Variants in USP26 observed in about 807,000 individuals in gnomAD.
USP26 encodes ubiquitin specific peptidase 26, also known as ubiquitin carboxyl-terminal hydrolase 26.
For missense variants in USP26, 649 were observed against 642.3 expected (o/e 1.01, Z -0.11); for synonymous variants, 236 against 240.6 (o/e 0.98, Z 0.18).
chrX:133,082,534 T>C (rs1294867469), intron 5 of USP26, among the ~76,000 whole-genome samples: 1 of 112,318 alleles, frequency 8.9e-6, no homozygotes, highest in African/African-American at 3.2e-5. Context: ...TGATGGTAGG[T>C]TAAGGAACTA....
chrX:133,081,147 G>A (rs1327122190), intron 5 of USP26, among the ~76,000 whole-genome samples: 1 of 110,498 alleles, frequency 9.0e-6, no homozygotes, highest in Admixed American at 9.7e-5. Flanking sequence ...TGCAGGCTGA[G>A]AAGCTACGAC....
At chrX:133,058,628 T>G (rs913496401) in intron 5 of USP26, among the ~76,000 whole-genome samples, 1 of 111,675 alleles carries the variant, frequency 9.0e-6, no homozygotes, top group Non-Finnish European at 1.9e-5. Context: ...TCTTCCTCCA[T>G]CTCTTTCCTT....
intron 5 of USP26, among the ~76,000 whole-genome samples, chrX:133,052,898 C>A (rs2067464202): frequency 9.0e-6 from 1 of 111,253 alleles, no homozygotes; most frequent in Non-Finnish European, 1.9e-5. Context: ...TAGCTGTCTC[C>A]TATTGCCACA....
chrX:133,038,808 G>T (rs2067406168), intron 5 of USP26, among the ~76,000 whole-genome samples: 1 of 111,763 alleles, frequency 8.9e-6, no homozygotes, highest in Admixed American at 9.5e-5. Flanking sequence ...GTTTTTGGTT[G>T]GTAGGCTTTT....
intron 5 of USP26, among the ~76,000 whole-genome samples, chrX:133,079,144 A>G (rs1164355923): frequency 1.8e-5 from 2 of 111,649 alleles, no homozygotes; most frequent in Non-Finnish European, 3.8e-5. Context: ...GCTACCTTAA[A>G]TCACACTCCA....
At chrX:133,067,672 A>G (rs879169729) in intron 5 of USP26, among the ~76,000 whole-genome samples, 1 of 111,991 alleles carries the variant, frequency 8.9e-6, no homozygotes, top group Non-Finnish European at 1.9e-5. Context: ...CAGTTGAACA[A>G]TGAGAACACA....
At chrX:133,079,227 C>T (rs2067561399) in intron 5 of USP26, among the ~76,000 whole-genome samples, 1 of 111,850 alleles carries the variant, frequency 8.9e-6, no homozygotes, top group Non-Finnish European at 1.9e-5. Context: ...TAGTGCTCCT[C>T]CTCACCACAG....
At chrX:133,088,494 T>G (rs2067597044) in intron 4 of USP26, among the ~76,000 whole-genome samples, 1 of 111,247 alleles carries the variant, frequency 9.0e-6, no homozygotes, top group Admixed American at 9.6e-5. Context: ...GCTGCTTACC[T>G]CTCACTGTGT....
At chrX:133,093,514 C>G (rs1210520934) in intron 1 of USP26, among the ~76,000 whole-genome samples, 1 of 109,825 alleles carries the variant, frequency 9.1e-6, no homozygotes, top group East Asian at 2.9e-4. Context: ...TGCCTATAGT[C>G]TCAGCTACTC....
chrX:133,039,137 T>A (rs2067407704), intron 5 of USP26, among the ~76,000 whole-genome samples: 1 of 111,592 alleles, frequency 9.0e-6, no homozygotes, highest in African/African-American at 3.3e-5. Flanking sequence ...TGATTTTTTT[T>A]AACAGTTTTT....
intron 1 of USP26, among the ~76,000 whole-genome samples, chrX:133,094,195 G>A (rs2067619296): frequency 9.0e-6 from 1 of 110,550 alleles, no homozygotes; most frequent in Non-Finnish European, 1.9e-5. Context: ...AATGGCAGTA[G>A]GAATGTAAAG....
intron 5 of USP26, among the ~76,000 whole-genome samples, chrX:133,059,213 C>G (rs754176875): frequency 2.1e-4 from 23 of 111,273 alleles, no homozygotes; most frequent in Admixed American, 2.0e-3. Flanking sequence ...AATACTTTTA[C>G]CAAAGTAAGA....
Position 133,024,345 on chromosome X carries a change from C to G in USP26, c.*1134G>C, listed in dbSNP as rs2067336386. Reference sequence around the variant, plus strand: ...ATGCAGAGGATTGTTCAAGGTTTCGCAGATGAAGTCCAGGTAAACAAAGTT... The same window carrying G: ...ATGCAGAGGATTGTTCAAGGTTTCGGAGATGAAGTCCAGGTAAACAAAGTT... On this transcript the variant is annotated 3_prime_UTR_variant, in exon 6 of 6. Coordinates refer to ENST00000511190, the MANE Select transcript of USP26 (RefSeq NM_031907.3). Among the ~76,000 whole-genome samples, 1 of 110,830 alleles carries G rather than the reference C, an allele frequency of 9.0e-6. No individual in the cohort carries two copies. The highest frequency in any genetic ancestry group is 9.6e-5 in the Admixed American group (1 of 10,367).
chrX:133,029,569 T>G (rs1185342539), intron 5 of USP26, among the ~76,000 whole-genome samples: 1 of 112,004 alleles, frequency 8.9e-6, no homozygotes, highest in Non-Finnish European at 1.9e-5. Context: ...CTATAGATGC[T>G]AAGTAAGGAT....
chrX:133,039,370 T>C (rs944497591), intron 5 of USP26, among the ~76,000 whole-genome samples: 10 of 112,193 alleles, frequency 8.9e-5, no homozygotes, highest in African/African-American at 3.2e-4. Flanking sequence ...TGTCTCTTTG[T>C]TCTCCTTGGT....
intron 4 of USP26, among the ~76,000 whole-genome samples, chrX:133,087,964 G>A (rs1400001452): frequency 9.0e-6 from 1 of 111,446 alleles, no homozygotes; most frequent in Non-Finnish European, 1.9e-5. Flanking sequence ...GAGGCCAGAA[G>A]TTCCAGACAA....
rs1253467911 is a variant in USP26 at position 133,025,069 on chromosome X, C to T, written c.*410G>A. ...AAAAATAGCTAGGCCTGGTGGCACA[C>T]ATCTATAGTCCCATCTCAAGCAAGA... On this transcript the variant is annotated 3_prime_UTR_variant, in exon 6 of 6. Transcript: ENST00000511190. 7.4e-6 allele frequency: 1 copy of T among 135,927 alleles called. No individual in the cohort carries two copies. The highest frequency in any genetic ancestry group is 3.3e-5 in the African/African-American group (1 of 29,990). 11.2% of individuals were successfully genotyped at this position (135,927 alleles called of 1,213,427 possible).
At chrX:133,064,662 G>A (rs1258452200) in intron 5 of USP26, among the ~76,000 whole-genome samples, 1 of 111,703 alleles carries the variant, frequency 9.0e-6, no homozygotes, top group Admixed American at 9.5e-5. Context: ...AAATATCAAA[G>A]TTCTTTGAAA....
intron 5 of USP26, among the ~76,000 whole-genome samples, chrX:133,032,390 C>T (rs1387812830): frequency 9.0e-6 from 1 of 111,347 alleles, no homozygotes; most frequent in Admixed American, 9.5e-5. Context: ...TGAAAAGGTC[C>T]TCAGGTGGGA....
Sources: allele counts gnomAD v4.1 joint callset (sites outside exome capture counted in the v4.1 genomes callset), GRCh38; gene constraint gnomAD v4.1.1; transcripts MANE v1.5; gene names NCBI Gene and HGNC (gene_info 2026-07-23, HGNC 2026-07-21).